The following CADM1 variants were observed in gnomAD, a reference collection of about 807,000 sequenced individuals.
CADM1 encodes the protein TSLC-1.
In CADM1, 15 loss-of-function variants were observed where a neutral mutation model predicts 53.1. The observed-to-expected ratio is 0.28, with a 90% CI of 0.19 to 0.44. The LOEUF is 0.44. Among genes scored for constraint, CADM1 ranks in the 20% least tolerant of loss-of-function variants. The pLI is 1.00. For missense variants in CADM1, 434 were observed against 611.3 expected, an observed-to-expected ratio of 0.71 and a Z score of 3.06; for synonymous variants, 281 against 243.0, an observed-to-expected ratio of 1.16 and a Z score of -1.45.
intron 1 of CADM1, among the ~76,000 whole-genome samples, chr11:115,400,625 T>C (rs1218832280): frequency 2.2e-5 from 3 of 138,576 alleles, no homozygotes; most frequent in Non-Finnish European, 4.6e-5. Context: ...CTTTTATATA[T>C]ATGTATCATA....
intron 8 of CADM1, among the ~76,000 whole-genome samples, chr11:115,202,146 CAA>C (rs751468779): frequency 1.3e-5 from 2 of 149,534 alleles, no homozygotes; most frequent in Admixed American, 1.3e-4. Context: ...AAAGCTCTGA[CAA>C]TGTGTGAAAT....
chr11:115,392,857 T>C, intron 1 of CADM1, among the ~76,000 whole-genome samples: 1 of 151,672 alleles, frequency 6.6e-6, no homozygotes, highest in Admixed American at 6.6e-5. Context: ...ATAGCAAAAT[T>C]CTGGAAAAAT....
At chr11:115,410,973 AACC>A (rs1312809123) in intron 1 of CADM1, among the ~76,000 whole-genome samples, 2 of 152,168 alleles carry the variant, frequency 1.3e-5, no homozygotes, top group Non-Finnish European at 2.9e-5. Flanking sequence ...CCTGGTGACA[AACC>A]ACCGTAGATT....
chr11:115,381,788 G>A (rs976323347), intron 1 of CADM1, among the ~76,000 whole-genome samples: 2 of 152,116 alleles, frequency 1.3e-5, no homozygotes, highest in Non-Finnish European at 2.9e-5. Flanking sequence ...CATTCCTCAA[G>A]TGTGATGCAT....
At chr11:115,365,122 C>A (rs1199130355) in intron 1 of CADM1, among the ~76,000 whole-genome samples, 3 of 152,148 alleles carry the variant, frequency 2.0e-5, no homozygotes, top group Non-Finnish European at 4.4e-5. Context: ...ATGGCTAGCC[C>A]CACCAGCTGA....
At chr11:115,363,825 A>G (rs1283824821) in intron 1 of CADM1, 1 of 152,218 alleles carries the variant, frequency 6.6e-6, no homozygotes, top group Non-Finnish European at 1.5e-5. Flanking sequence ...TGTACAGCTT[A>G]TACAACAGTG....
chr11:115,262,984 A>T (rs1415038889), intron 1 of CADM1, among the ~76,000 whole-genome samples: 1 of 152,356 alleles, frequency 6.6e-6, no homozygotes, highest in East Asian at 1.9e-4. Flanking sequence ...TGATTGTGAC[A>T]GTTTGAAGAG....
chr11:115,202,332 G>A (rs1262708372), intron 8 of CADM1, among the ~76,000 whole-genome samples: 1 of 152,064 alleles, frequency 6.6e-6, no homozygotes, highest in Admixed American at 6.5e-5. Context: ...GACAGACTGG[G>A]GGTTTAAAAC....
chr11:115,220,746 TA>T (rs1437192688), intron 5 of CADM1, among the ~76,000 whole-genome samples: 1 of 152,292 alleles, frequency 6.6e-6, no homozygotes, highest in African/African-American at 2.4e-5. Context: ...AACTTAAAAA[TA>T]AATTCTGTTC....
intron 1 of CADM1, among the ~76,000 whole-genome samples, chr11:115,249,189 A>C (rs1156550196): frequency 6.6e-6 from 1 of 152,222 alleles, no homozygotes; most frequent in African/African-American, 2.4e-5. Context: ...TTTTAGACAA[A>C]ATGGAGTTGT....
In CADM1 at chr11:115,320,366, T is replaced by C. The variant is rs184740751; in HGVS notation, c.125-79946A>G. The stretch of plus-strand genomic sequence containing the variant: ...ATGTGAGCTACCATGATGAGCACTT[T>C]TCTAAATTTTAATTAGATGAAAATC... On this transcript the variant is annotated intron_variant, in intron 1 of 11. Coordinates refer to ENST00000331581, the MANE Select transcript of CADM1 (RefSeq NM_001301043.2). 4.6e-3 allele frequency among the ~76,000 whole-genome samples: 695 copies of C among 152,318 alleles called. 5 individuals are homozygous for C. The highest frequency in any genetic ancestry group is 0.034 in the Middle Eastern group (10 of 294).
intron 1 of CADM1, among the ~76,000 whole-genome samples, chr11:115,442,865 A>G (rs1948353793): frequency 1.3e-5 from 2 of 152,090 alleles, no homozygotes. Context: ...ATGATTTAAC[A>G]CCTTTTACTT....
chr11:115,234,453 A>C (rs1941938933), intron 3 of CADM1, among the ~76,000 whole-genome samples: 1 of 152,218 alleles, frequency 6.6e-6, no homozygotes, highest in East Asian at 1.9e-4. Context: ...GGCATTATCC[A>C]AACAACTGCA....
chr11:115,368,202 AGG>A (rs1946221316), intron 1 of CADM1, among the ~76,000 whole-genome samples: 3 of 127,872 alleles, frequency 2.3e-5, no homozygotes, highest in East Asian at 4.9e-4. Context: ...TTTAAAATTC[AGG>A]TGTGGCACGG....
At chr11:115,318,007 C>CACACAA (rs1555063982) in intron 1 of CADM1, among the ~76,000 whole-genome samples, 10 of 151,814 alleles carry the variant, frequency 6.6e-5, no homozygotes, top group African/African-American at 2.4e-4. Context: ...CACACACACA[C>CACACAA]ACACACACAA....
At chr11:115,219,395 G>C (rs1480249909) in intron 5 of CADM1, among the ~76,000 whole-genome samples, 1 of 152,090 alleles carries the variant, frequency 6.6e-6, no homozygotes, top group African/African-American at 2.4e-5. Flanking sequence ...AAATTACATG[G>C]CATTCAAAAC....
At chr11:115,312,519 CCTACTT>C (rs1275496275) in intron 1 of CADM1, among the ~76,000 whole-genome samples, 2 of 152,142 alleles carry the variant, frequency 1.3e-5, no homozygotes, top group African/African-American at 4.8e-5. Context: ...AGGAAAAACA[CCTACTT>C]CTACTTCATG....
chr11:115,252,272 A>C (rs1434890498), intron 1 of CADM1, among the ~76,000 whole-genome samples: 1 of 152,222 alleles, frequency 6.6e-6, no homozygotes, highest in Non-Finnish European at 1.5e-5. Flanking sequence ...AATGCCTATG[A>C]AAGTATTTAA....
intron 1 of CADM1, among the ~76,000 whole-genome samples, chr11:115,268,596 A>C (rs1382828043): frequency 6.6e-6 from 1 of 152,210 alleles, no homozygotes; most frequent in Non-Finnish European, 1.5e-5. Flanking sequence ...CTCTGGAAGC[A>C]CTATTGAGGG....
Sources: allele counts gnomAD v4.1 joint callset (sites outside exome capture counted in the v4.1 genomes callset), GRCh38; gene constraint gnomAD v4.1.1; transcripts MANE v1.5; gene names NCBI Gene and HGNC (gene_info 2026-07-23, HGNC 2026-07-21).